The following SYNPO2 variants were observed in gnomAD, a reference collection of about 807,000 sequenced individuals.
The protein encoded by SYNPO2 is synaptopodin 2.
Under a neutral mutation model 85.0 loss-of-function variants are expected in SYNPO2, and 56 were observed. The observed-to-expected ratio is 0.66, with a 90% CI of 0.53 to 0.82. The LOEUF (loss-of-function observed/expected upper bound fraction) is 0.82, where lower values mean the gene tolerates loss of function less well. Ranked by LOEUF, SYNPO2 falls within the 40% of genes least tolerant of loss-of-function variation. The probability of loss-of-function intolerance (pLI) is 0.00; values close to 1 mark genes in which losing one functional copy is unlikely to be tolerated. For missense variants in SYNPO2, 1,575 were observed against 1,534.2 expected, an observed-to-expected ratio of 1.03 and a Z score of -0.44; for synonymous variants, 602 against 591.1, an observed-to-expected ratio of 1.02 and a Z score of -0.27.
At chr4:118,990,617 G>GTTT (rs1736380994) in intron 1 of SYNPO2, among the ~76,000 whole-genome samples, 1 of 152,188 alleles carries the variant, frequency 6.6e-6, no homozygotes, top group South Asian at 2.1e-4. Flanking sequence ...TTGTTTGTTT[G>GTTT]TTTGTTTTTG....
At chr4:118,996,953 A>T (rs1481383140) in intron 1 of SYNPO2, among the ~76,000 whole-genome samples, 1 of 150,374 alleles carries the variant, frequency 6.7e-6, no homozygotes, top group Non-Finnish European at 1.5e-5. Context: ...AATTTAAAAG[A>T]AAAAAGGCCG....
chr4:118,857,239 A>G (rs900682150), intron 1 of SYNPO2, among the ~76,000 whole-genome samples: 10 of 152,334 alleles, frequency 6.6e-5, no homozygotes, highest in African/African-American at 1.9e-4. Flanking sequence ...GCACGGAATA[A>G]TTTAACAAAG....
In SYNPO2 at chr4:119,032,776, T is replaced by C. The variant is rs573007096; in HGVS notation, c.3252+749T>C. The C allele has an allele frequency of 1.2e-3, 1,058 of 872,106 alleles. 10 individuals are homozygous for C. The African/African-American group carries it at 0.017, about 14-fold the overall frequency. The allele number at this position is 872,106 out of a possible 1,614,324, so 54.0% of individuals were successfully genotyped here. A position where few individuals can be genotyped will look rare whatever the true frequency, so the allele number is the denominator to read the frequency against. On this transcript the variant is annotated intron_variant, in intron 4 of 4. Transcript: ENST00000307142. ...GGTTCATGCCTGGAATCCTAGCACTTTGGGAGGCTGAGGTAGGAGGACTGC... is the reference window on the plus strand; with the variant it reads ...GGTTCATGCCTGGAATCCTAGCACTCTGGGAGGCTGAGGTAGGAGGACTGC...
Position 119,030,207 on chromosome 4 carries a change from G to A in SYNPO2, c.1432G>A (p.Gly478Arg), listed in dbSNP as rs1427518322. The A allele has an allele frequency of 1.2e-6, 2 of 1,614,080 alleles. No individual in the cohort carries two copies. The highest frequency in any genetic ancestry group is 1.7e-6 in the Non-Finnish European group (2 of 1,180,004). Residue 478 changes from glycine (G) to arginine (R), a missense_variant, in exon 4 of 5, where the codon GGG (glycine) becomes AGG (arginine). Gly to Arg is a moderately radical substitution (Grantham distance 125). Coordinates refer to ENST00000307142, the MANE Select transcript of SYNPO2 (RefSeq NM_133477.3). ...GGACATTGAAAAGAAACTGAACAGA[G>A]GGGACAAGATGGAGATGTTACCAGA... The part of the protein sequence containing the change: ...LVDIEKKLNR[G>R]DKMEMLPDTT...
At chr4:119,052,573 G>T (rs1022267876) in intron 4 of SYNPO2, among the ~76,000 whole-genome samples, 1 of 152,080 alleles carries the variant, frequency 6.6e-6, no homozygotes, top group African/African-American at 2.4e-5. Flanking sequence ...CCAACCCCAG[G>T]GGGCCAGAAG....
upstream of SYNPO2, among the ~76,000 whole-genome samples, chr4:118,884,992 G>C (rs909956470): frequency 6.6e-6 from 1 of 152,186 alleles, no homozygotes; most frequent in Non-Finnish European, 1.5e-5. Flanking sequence ...AGTCCTCCTG[G>C]AGAATGTGAT....
chr4:118,996,776 G>A (rs1255168074), intron 1 of SYNPO2, among the ~76,000 whole-genome samples: 2 of 150,850 alleles, frequency 1.3e-5, no homozygotes, highest in Admixed American at 1.3e-4. Flanking sequence ...AGAATCGCTC[G>A]AACCTGGGAG....
intron 1 of SYNPO2, among the ~76,000 whole-genome samples, chr4:119,016,920 T>C (rs1039828384): frequency 6.6e-6 from 1 of 152,210 alleles, no homozygotes; most frequent in Admixed American, 6.5e-5. Context: ...CAAAGATAGT[T>C]ATTACTCCAG....
In SYNPO2 at chr4:119,017,470, C is replaced by A. The variant is rs190514528; in HGVS notation, c.106-5960C>A. Reference sequence around the variant, plus strand: ...AGGTATGAGGCAGTTTTGAGAAATGCCTGAAGTGGAAAATTGAGGAAAGGC... The same window carrying A: ...AGGTATGAGGCAGTTTTGAGAAATGACTGAAGTGGAAAATTGAGGAAAGGC... On this transcript the variant is annotated intron_variant, in intron 1 of 4. Transcript: ENST00000307142. Among the ~76,000 whole-genome samples, 3 of 151,920 alleles carry A rather than the reference C, an allele frequency of 2.0e-5. No homozygotes were observed. The East Asian group carries it at 5.8e-4, about 29-fold the overall frequency.
intron 1 of SYNPO2, among the ~76,000 whole-genome samples, chr4:118,978,706 T>C (rs1250246295): frequency 6.6e-6 from 1 of 152,132 alleles, no homozygotes; most frequent in Non-Finnish European, 1.5e-5. Flanking sequence ...AAAAATGTTA[T>C]TTATTTTGAG....
chr4:118,868,062 A>G (rs1207496107), intron 1 of SYNPO2, among the ~76,000 whole-genome samples: 1 of 151,762 alleles, frequency 6.6e-6, no homozygotes, highest in African/African-American at 2.4e-5. Flanking sequence ...AAAAAAAAAA[A>G]AACTACGTAT....
At chr4:118,929,975 G>A (rs1054414630) in intron 1 of SYNPO2, among the ~76,000 whole-genome samples, 9 of 152,078 alleles carry the variant, frequency 5.9e-5, no homozygotes, top group African/African-American at 2.2e-4. Flanking sequence ...TGGAATAGAT[G>A]GTTATAATGA....
chr4:119,058,327 T>A lies in SYNPO2; in HGVS notation c.*393T>A, dbSNP rs563917795. The A allele has an allele frequency of 5.6e-5, 9 of 162,030 alleles. No individual in the cohort carries two copies. The highest frequency in any genetic ancestry group is 1.8e-4 in the Admixed American group (3 of 16,500). The allele number at this position is 162,030 out of a possible 1,614,324, so 10.0% of individuals were successfully genotyped here. A position where few individuals can be genotyped will look rare whatever the true frequency, so the allele number is the denominator to read the frequency against. On this transcript the variant is annotated 3_prime_UTR_variant, in exon 5 of 5. Coordinates refer to ENST00000307142, the MANE Select transcript of SYNPO2 (RefSeq NM_133477.3). The stretch of plus-strand genomic sequence containing the variant: ...CATTGTACCTTAGTCCAGGAAGAAA[T>A]TAATGGAATATGGTGTGCTAATTAT...
chr4:118,914,828 G>A (rs1486090159), intron 1 of SYNPO2, among the ~76,000 whole-genome samples: 1 of 152,022 alleles, frequency 6.6e-6, no homozygotes, highest in African/African-American at 2.4e-5. Flanking sequence ...TTAGAATATT[G>A]GTAGGAGAGG....
At chr4:119,026,318 T>G (rs1398744969) in intron 2 of SYNPO2, among the ~76,000 whole-genome samples, 4 of 152,210 alleles carry the variant, frequency 2.6e-5, no homozygotes, top group Admixed American at 6.5e-5. Flanking sequence ...GATACCCAGA[T>G]TCCAAGTACT....
At chr4:118,940,207 A>C (rs1354194624) in intron 1 of SYNPO2, among the ~76,000 whole-genome samples, 2 of 151,834 alleles carry the variant, frequency 1.3e-5, no homozygotes. Flanking sequence ...GCTGGTGTCG[A>C]TCTCTCGACC....
At chr4:118,944,220 T>A (rs1260276684) in intron 1 of SYNPO2, among the ~76,000 whole-genome samples, 1 of 152,044 alleles carries the variant, frequency 6.6e-6, no homozygotes, top group African/African-American at 2.4e-5. Flanking sequence ...AGATTAGTGT[T>A]ATAAAAGGAT....
intron 1 of SYNPO2, among the ~76,000 whole-genome samples, chr4:118,879,042 G>C (rs1254031075): frequency 6.6e-6 from 1 of 152,106 alleles, no homozygotes. Context: ...AACAACTCCG[G>C]AGGCACCACC....
At chr4:118,888,510 C>A (rs1422252985), upstream of SYNPO2, among the ~76,000 whole-genome samples, 3 of 152,158 alleles carry the variant, frequency 2.0e-5, no homozygotes, top group Non-Finnish European at 2.9e-5. Flanking sequence ...AGAATCTAAT[C>A]CTCTAGTAGT....
Sources: gnomAD v4.1 joint callset for allele counts (sites outside exome capture counted in the v4.1 genomes callset) on GRCh38, gnomAD v4.1.1 for gene constraint, MANE v1.5 for transcripts, NCBI Gene and HGNC (gene_info 2026-07-23, HGNC 2026-07-21) for gene names.